Variants in CSMD1 observed in about 807,000 individuals in gnomAD.
CSMD1 encodes CUB and sushi domain-containing protein 1.
In CSMD1, 213 loss-of-function variants were observed where a neutral mutation model predicts 417.5. The ratio of observed to expected loss-of-function variants is 0.51; its 90% confidence interval spans 0.46 to 0.57. The LOEUF is 0.57. CSMD1 is among the 20% of genes least tolerant of loss of function. The pLI, the probability that CSMD1 is intolerant of heterozygous loss-of-function variation, is 0.00. For missense variants in CSMD1, 6,923 were observed against 4,529.7 expected (o/e 1.53, Z -15.17); for synonymous variants, 2,862 against 1,736.8 (o/e 1.65, Z -16.11).
intron 23 of CSMD1, among the ~76,000 whole-genome samples, chr8:3,310,627 G>C (rs562955309): frequency 6.6e-6 from 1 of 152,278 alleles, no homozygotes; most frequent in Admixed American, 6.5e-5. Context: ...AAAAACTTTT[G>C]AGTTCAGCAT....
At chr8:4,534,523 G>T (rs935620728) in intron 2 of CSMD1, among the ~76,000 whole-genome samples, 1 of 152,050 alleles carries the variant, frequency 6.6e-6, no homozygotes, top group African/African-American at 2.4e-5. Context: ...TGTTACATGG[G>T]TATATTGGAT....
chr8:3,782,062 TGGAA>T (rs1584989507), intron 5 of CSMD1, among the ~76,000 whole-genome samples: 1 of 152,180 alleles, frequency 6.6e-6, no homozygotes, highest in African/African-American at 2.4e-5. Context: ...ACTTAATACT[TGGAA>T]GGAGAGTTTG....
intron 3 of CSMD1, among the ~76,000 whole-genome samples, chr8:4,077,131 G>A (rs1289011438): frequency 6.6e-6 from 1 of 151,606 alleles, no homozygotes; most frequent in East Asian, 1.9e-4. Context: ...GTATGATGAA[G>A]TCAAGAAAGT....
chr8:4,418,308 G>A (rs1797058537), intron 3 of CSMD1, among the ~76,000 whole-genome samples: 1 of 152,000 alleles, frequency 6.6e-6, no homozygotes, highest in Non-Finnish European at 1.5e-5. Context: ...TTGATCTTTT[G>A]GAGTAACAAA....
chr8:4,363,388 A>T (rs562717287), intron 3 of CSMD1, among the ~76,000 whole-genome samples: 2 of 152,114 alleles, frequency 1.3e-5, no homozygotes, highest in Non-Finnish European at 2.9e-5. Flanking sequence ...TTTATACGTA[A>T]GAGGGATAAA....
chr8:3,507,545 G>T (rs534980276), intron 10 of CSMD1, among the ~76,000 whole-genome samples: 58 of 152,232 alleles, frequency 3.8e-4, no homozygotes, highest in African/African-American at 1.3e-3. Context: ...GGGTCAAATG[G>T]TATTTCTAGT....
At chr8:4,797,789 A>G (rs914477034) in intron 1 of CSMD1, among the ~76,000 whole-genome samples, 2 of 152,228 alleles carry the variant, frequency 1.3e-5, no homozygotes, top group African/African-American at 4.8e-5. Flanking sequence ...TCATTCAGAG[A>G]AATTTAAAAA....
At chr8:3,089,493 T>C (rs1814781114) in intron 48 of CSMD1, among the ~76,000 whole-genome samples, 1 of 152,226 alleles carries the variant, frequency 6.6e-6, no homozygotes, top group African/African-American at 2.4e-5. Context: ...CTTTTATGCC[T>C]GAATGATCAA....
At chr8:3,448,251 C>T (rs991881145) in intron 12 of CSMD1, among the ~76,000 whole-genome samples, 1 of 125,012 alleles carries the variant, frequency 8.0e-6, no homozygotes, top group African/African-American at 3.0e-5. Context: ...GAGGATTGAT[C>T]TCAAGACCAT....
intron 12 of CSMD1, among the ~76,000 whole-genome samples, chr8:3,440,861 T>C (rs1310870002): frequency 1.3e-5 from 2 of 152,222 alleles, no homozygotes; most frequent in East Asian, 3.8e-4. Flanking sequence ...GACGTTGTCA[T>C]GAACAGACGT....
intron 1 of CSMD1, among the ~76,000 whole-genome samples, chr8:4,796,959 T>G (rs1798013215): frequency 6.6e-6 from 1 of 152,206 alleles, no homozygotes; most frequent in South Asian, 2.1e-4. Context: ...CGGCCCTGAT[T>G]GCCTGGTCAT....
chr8:4,967,215 C>T (rs1302136774), intron 1 of CSMD1, among the ~76,000 whole-genome samples: 1 of 152,102 alleles, frequency 6.6e-6, no homozygotes, highest in African/African-American at 2.4e-5. Context: ...AAGAAGAGCA[C>T]AGCAGTAAGT....
chr8:4,630,518 C>T (rs190192527), intron 2 of CSMD1, among the ~76,000 whole-genome samples: 1 of 152,022 alleles, frequency 6.6e-6, no homozygotes, highest in Non-Finnish European at 1.5e-5. Context: ...CAAACTTAAC[C>T]AGTAATGATT....
chr8:4,203,312 G>T (rs1018422495), intron 3 of CSMD1, among the ~76,000 whole-genome samples: 5 of 152,106 alleles, frequency 3.3e-5, no homozygotes, highest in Non-Finnish European at 7.4e-5. Flanking sequence ...ACACCACGGG[G>T]TCGGCTCAGG....
chr8:4,572,534 C>G (rs921835640), intron 2 of CSMD1, among the ~76,000 whole-genome samples: 3 of 152,140 alleles, frequency 2.0e-5, no homozygotes, highest in Non-Finnish European at 4.4e-5. Context: ...ACCTTTCTCT[C>G]TAGCTGCCCT....
At chr8:4,012,107 A>G (rs1474295323) in intron 4 of CSMD1, among the ~76,000 whole-genome samples, 3 of 152,152 alleles carry the variant, frequency 2.0e-5, no homozygotes, top group Middle Eastern at 3.4e-3. Flanking sequence ...ACAATGAAAC[A>G]TTTTCTAGAT....
At chr8:4,315,350 C>A (rs1277629114) in intron 3 of CSMD1, among the ~76,000 whole-genome samples, 2 of 152,102 alleles carry the variant, frequency 1.3e-5, no homozygotes. Context: ...CACTGTGAGC[C>A]CCAGGTGGCA....
intron 7 of CSMD1, among the ~76,000 whole-genome samples, chr8:3,668,524 C>T (rs976782816): frequency 2.0e-5 from 3 of 152,178 alleles, no homozygotes; most frequent in Admixed American, 6.5e-5. Flanking sequence ...GGGCATTGTA[C>T]ACCTTGGTCC....
chr8:3,913,832 G>A (rs1212607215), intron 5 of CSMD1, among the ~76,000 whole-genome samples: 1 of 151,984 alleles, frequency 6.6e-6, no homozygotes, highest in African/African-American at 2.4e-5. Flanking sequence ...CAACTCAGAC[G>A]GTCTAATCAC....
Sources: gnomAD v4.1 joint callset for allele counts (sites outside exome capture counted in the v4.1 genomes callset) on GRCh38, gnomAD v4.1.1 for gene constraint, MANE v1.5 for transcripts, NCBI Gene and HGNC (gene_info 2026-07-23, HGNC 2026-07-21) for gene names.